GSK3B: variants seen among roughly 807,000 people sequenced by gnomAD.
GSK3B encodes glycogen synthase kinase 3 beta, also known as glycogen synthase kinase-3 beta.
Under a neutral mutation model 56.4 loss-of-function variants are expected in GSK3B, and 15 were observed. The ratio of observed to expected loss-of-function variants is 0.27; its 90% CI spans 0.18 to 0.41. The LOEUF (loss-of-function observed/expected upper bound fraction) is 0.41. GSK3B is among the 10% of genes least tolerant of loss of function. The probability of loss-of-function intolerance (pLI) is 1.00; values close to 1 mark genes in which losing one functional copy is unlikely to be tolerated. For missense variants in GSK3B, 300 were observed against 513.4 expected, an observed-to-expected ratio of 0.58 and a Z score of 4.02; for synonymous variants, 181 against 188.9, an observed-to-expected ratio of 0.96 and a Z score of 0.34.
chr3:120,079,218 G>A (rs2058393773), intron 1 of GSK3B, among the ~76,000 whole-genome samples: 1 of 148,738 alleles, frequency 6.7e-6, no homozygotes, highest in South Asian at 2.1e-4. Context: ...AGGGATTACA[G>A]ACATGAGCCA....
chr3:119,858,681 T>C (rs1225079156), intron 9 of GSK3B, among the ~76,000 whole-genome samples: 1 of 152,234 alleles, frequency 6.6e-6, no homozygotes, highest in Non-Finnish European at 1.5e-5. Flanking sequence ...GCAAACTGTT[T>C]AGCACAATGG....
intron 3 of GSK3B, among the ~76,000 whole-genome samples, chr3:119,931,936 A>G (rs1410356890): frequency 6.6e-6 from 1 of 152,196 alleles, no homozygotes; most frequent in African/African-American, 2.4e-5. Flanking sequence ...AATCACTGAT[A>G]ACCATTTTTC....
At chr3:119,959,734 C>A (rs2057252476) in intron 2 of GSK3B, among the ~76,000 whole-genome samples, 1 of 151,830 alleles carries the variant, frequency 6.6e-6, no homozygotes, top group Non-Finnish European at 1.5e-5. Context: ...CCAGGCTGGT[C>A]TTGAACTCGT....
intron 1 of GSK3B, among the ~76,000 whole-genome samples, chr3:120,039,416 T>G (rs750533781): frequency 1.2e-4 from 18 of 152,240 alleles, no homozygotes; most frequent in Non-Finnish European, 2.4e-4. Flanking sequence ...CTTCAAAGGT[T>G]CAGGTTGTTA....
chr3:120,014,779 G>A (rs1024328876), intron 1 of GSK3B, among the ~76,000 whole-genome samples: 1 of 152,130 alleles, frequency 6.6e-6, no homozygotes, highest in East Asian at 1.9e-4. Context: ...GAGAGGCAGA[G>A]AAAACAAAAT....
intron 7 of GSK3B, among the ~76,000 whole-genome samples, chr3:119,885,137 T>C (rs1396180204): frequency 6.6e-6 from 1 of 151,978 alleles, no homozygotes; most frequent in Non-Finnish European, 1.5e-5. Flanking sequence ...GATAAATGCC[T>C]TCAGTAGTTT....
chr3:119,829,938 C>A (rs1156579551), intron 10 of GSK3B, among the ~76,000 whole-genome samples: 1 of 152,196 alleles, frequency 6.6e-6, no homozygotes, highest in Non-Finnish European at 1.5e-5. Context: ...CACAGTCCTA[C>A]AGACATTCAT....
chr3:119,856,314 G>T (rs992209188), intron 9 of GSK3B, among the ~76,000 whole-genome samples: 3 of 152,046 alleles, frequency 2.0e-5, no homozygotes, highest in Admixed American at 6.6e-5. Context: ...TACTGTCTTG[G>T]TTATATATCA....
chr3:119,834,967 G>A (rs962257811), intron 10 of GSK3B, among the ~76,000 whole-genome samples: 2 of 152,222 alleles, frequency 1.3e-5, no homozygotes, highest in East Asian at 3.9e-4. Context: ...AAGTGAACCT[G>A]AAACCCTAAC....
chr3:119,849,757 T>C (rs1486370418), intron 9 of GSK3B, among the ~76,000 whole-genome samples: 2 of 152,202 alleles, frequency 1.3e-5, no homozygotes, highest in African/African-American at 2.4e-5. Flanking sequence ...GTCCCTTGCA[T>C]AAAATGGCAT....
At chr3:120,011,677 G>A (rs1249777330) in intron 1 of GSK3B, among the ~76,000 whole-genome samples, 4 of 152,318 alleles carry the variant, frequency 2.6e-5, no homozygotes, top group South Asian at 4.1e-4. Context: ...AGGGCAATAT[G>A]GGGGATGACT....
intron 2 of GSK3B, among the ~76,000 whole-genome samples, chr3:119,950,535 G>A (rs935427761): frequency 6.6e-6 from 1 of 152,148 alleles, no homozygotes; most frequent in Non-Finnish European, 1.5e-5. Context: ...ACTCTTACAA[G>A]AATGGTTTCA....
At chr3:119,842,984 C>T (rs1411839785) in intron 10 of GSK3B, among the ~76,000 whole-genome samples, 2 of 151,760 alleles carry the variant, frequency 1.3e-5, no homozygotes, top group African/African-American at 2.4e-5. Flanking sequence ...GGCGCAATCT[C>T]GGCTCAATGC....
intron 2 of GSK3B, among the ~76,000 whole-genome samples, chr3:119,999,069 G>GA (rs1008075857): frequency 2.0e-5 from 3 of 152,048 alleles, no homozygotes; most frequent in African/African-American, 7.2e-5. Context: ...GTTTGGCAGG[G>GA]AAAAAAATTT....
At chr3:119,988,149 G>A (rs1290646158) in intron 2 of GSK3B, among the ~76,000 whole-genome samples, 1 of 152,132 alleles carries the variant, frequency 6.6e-6, no homozygotes, top group African/African-American at 2.4e-5. Flanking sequence ...GAGGAAAAAC[G>A]TTCAGGACTT....
At chr3:119,928,948 G>C (rs1483797073) in intron 3 of GSK3B, among the ~76,000 whole-genome samples, 4 of 151,980 alleles carry the variant, frequency 2.6e-5, no homozygotes, top group Admixed American at 2.6e-4. Context: ...ATAAAGACTC[G>C]AGTTTTAGCT....
At position 119,823,049 on chromosome 3, in the gene GSK3B, TA is replaced by T. The variant is rs59824213; in HGVS notation, c.*3738del. On this transcript the variant is annotated 3_prime_UTR_variant, in exon 11 of 11. Transcript: ENST00000264235. ...AATGTGTCTAAAAATTAAGAGGACT[TA>T]AAAAAAATGACACAGCATGTCACTG... is the stretch of plus-strand genomic sequence containing the variant. 711 of 229,202 alleles carry T rather than the reference TA, an allele frequency of 3.1e-3. 1 individual carries two copies. Among genetic ancestry groups the T allele is most frequent in the African/African-American group, 0.014 (654 of 45,170 alleles). 14.2% of individuals were successfully genotyped at this position (229,202 alleles called of 1,614,324 possible).
intron 1 of GSK3B, among the ~76,000 whole-genome samples, chr3:120,033,812 C>T (rs1194854077): frequency 6.6e-6 from 1 of 152,134 alleles, no homozygotes; most frequent in Non-Finnish European, 1.5e-5. Flanking sequence ...TCCTGCTCCA[C>T]CACGGTAAGA....
At chr3:119,954,239 GAATA>G in intron 2 of GSK3B, among the ~76,000 whole-genome samples, 1 of 93,652 alleles carries the variant, frequency 1.1e-5, no homozygotes, top group South Asian at 4.2e-4. Flanking sequence ...GAATAGAATA[GAATA>G]GAATAGAATA....
Sources: allele counts gnomAD v4.1 joint callset (sites outside exome capture counted in the v4.1 genomes callset), GRCh38; gene constraint gnomAD v4.1.1; transcripts MANE v1.5; gene names NCBI Gene and HGNC (gene_info 2026-07-23, HGNC 2026-07-21).